DPYD: variants seen among roughly 807,000 people sequenced by gnomAD.
DPYD encodes the protein dihydropyrimidine dehydrogenase.
In DPYD, 109 loss-of-function variants were observed where a neutral mutation model predicts 116.2. That is an observed-to-expected ratio of 0.94 (90% CI 0.80 to 1.10). DPYD has a LOEUF of 1.10. Among genes scored for constraint, DPYD ranks in the 50% least tolerant of loss-of-function variants. The pLI, the probability that DPYD is intolerant of heterozygous loss-of-function variation, is 0.00. For missense variants in DPYD, 1,302 were observed against 1,254.5 expected, an observed-to-expected ratio of 1.04 and a Z score of -0.57; for synonymous variants, 440 against 432.0, an observed-to-expected ratio of 1.02 and a Z score of -0.23.
intron 8 of DPYD, among the ~76,000 whole-genome samples, chr1:97,624,650 G>A (rs1332715041): frequency 6.6e-6 from 1 of 151,904 alleles, no homozygotes; most frequent in African/African-American, 2.4e-5. Flanking sequence ...GTTTGTTGAA[G>A]ACATGTCTGC....
At chr1:97,260,851 T>A (rs1386290625) in intron 18 of DPYD, among the ~76,000 whole-genome samples, 1 of 152,100 alleles carries the variant, frequency 6.6e-6, no homozygotes, top group African/African-American at 2.4e-5. Flanking sequence ...CAGGGGAATG[T>A]AGCAGACAGT....
chr1:97,640,713 G>A (rs1223229365), intron 8 of DPYD, among the ~76,000 whole-genome samples: 1 of 152,104 alleles, frequency 6.6e-6, no homozygotes, highest in Non-Finnish European at 1.5e-5. Context: ...TGGGCAAAAG[G>A]TGGGACAGAG....
At chr1:97,119,021 G>A (rs1001610080) in intron 20 of DPYD, among the ~76,000 whole-genome samples, 2 of 152,094 alleles carry the variant, frequency 1.3e-5, no homozygotes, top group South Asian at 4.1e-4. Flanking sequence ...ACAGACTTTG[G>A]GGACAGAAGG....
intron 4 of DPYD, among the ~76,000 whole-genome samples, chr1:97,724,235 A>G (rs1360785253): frequency 2.0e-5 from 3 of 151,350 alleles, no homozygotes; most frequent in East Asian, 3.9e-4. Flanking sequence ...AAGAATGTTC[A>G]CTGCATTAGT....
intron 19 of DPYD, among the ~76,000 whole-genome samples, chr1:97,229,284 C>G (rs1570717535): frequency 7.1e-6 from 1 of 141,134 alleles, no homozygotes; most frequent in East Asian, 2.2e-4. Context: ...GAAATACTGA[C>G]TAGTACCCAA....
chr1:97,808,385 T>C (rs377576985), intron 3 of DPYD, among the ~76,000 whole-genome samples: 4 of 152,186 alleles, frequency 2.6e-5, no homozygotes, highest in African/African-American at 9.6e-5. Context: ...AATGATATTA[T>C]CTTTTAAATT....
At chr1:97,241,077 G>A (rs971514774) in intron 18 of DPYD, among the ~76,000 whole-genome samples, 4 of 152,008 alleles carry the variant, frequency 2.6e-5, no homozygotes, top group Non-Finnish European at 5.9e-5. Context: ...TTCTGAAAAT[G>A]TTTTAATTTT....
rs902797278 is a variant in DPYD at position 97,687,489 on chromosome 1, C to T, written c.762+4228G>A. ...AAAGTCAAGAAACAACAGATGCTGG[C>T]GAGGCTGTGGAGAAATATAAATGCT... On this transcript the variant is annotated intron_variant, in intron 7 of 22. Coordinates refer to ENST00000370192, the MANE Select transcript of DPYD (RefSeq NM_000110.4). Among the ~76,000 whole-genome samples the T allele has an allele frequency of 4.6e-5, 7 of 151,966 alleles. No individual in the cohort carries two copies. The South Asian group carries it at 8.3e-4, about 18-fold the overall frequency.
intron 18 of DPYD, among the ~76,000 whole-genome samples, chr1:97,281,966 A>G (rs1036458813): frequency 2.0e-5 from 3 of 152,144 alleles, no homozygotes; most frequent in African/African-American, 7.2e-5. Flanking sequence ...CTGAGTTTTA[A>G]GAGTTTTTGC....
intron 20 of DPYD, among the ~76,000 whole-genome samples, chr1:97,145,628 C>T (rs560235973): frequency 3.9e-5 from 6 of 152,178 alleles, no homozygotes; most frequent in South Asian, 4.2e-4. Flanking sequence ...AATATGCATC[C>T]TATTACTCTG....
intron 20 of DPYD, among the ~76,000 whole-genome samples, chr1:97,117,663 A>G (rs1652083739): frequency 6.6e-6 from 1 of 152,192 alleles, no homozygotes; most frequent in Non-Finnish European, 1.5e-5. Context: ...AAAATGGTCT[A>G]TAATTTTGGT....
intron 18 of DPYD, among the ~76,000 whole-genome samples, chr1:97,242,438 T>C (rs1380744689): frequency 6.6e-6 from 1 of 151,198 alleles, no homozygotes; most frequent in Non-Finnish European, 1.5e-5. Context: ...TATGCTCCCA[T>C]TGTTGGCAAA....
chr1:97,746,836 TA>T, intron 3 of DPYD, among the ~76,000 whole-genome samples: 1 of 151,850 alleles, frequency 6.6e-6, no homozygotes, highest in Non-Finnish European at 1.5e-5. Flanking sequence ...ATAAACGATA[TA>T]AAAATGAAAA....
intron 16 of DPYD, among the ~76,000 whole-genome samples, chr1:97,363,153 G>T (rs2101441702): frequency 6.6e-6 from 1 of 152,290 alleles, no homozygotes; most frequent in African/African-American, 2.4e-5. Flanking sequence ...GATATGAACA[G>T]ACATTTCTCA....
chr1:97,726,096 G>A (rs560562173), intron 4 of DPYD, among the ~76,000 whole-genome samples: 2 of 151,522 alleles, frequency 1.3e-5, no homozygotes, highest in South Asian at 2.1e-4. Flanking sequence ...ACAAAACTAG[G>A]CAATGACCTG....
At chr1:97,920,423 A>C (rs1674448870) in intron 1 of DPYD, among the ~76,000 whole-genome samples, 1 of 152,150 alleles carries the variant, frequency 6.6e-6, no homozygotes, top group African/African-American at 2.4e-5. Flanking sequence ...CAGATGTTTT[A>C]TTTCTATGCT....
chr1:97,188,643 C>G (rs970425305), intron 20 of DPYD, among the ~76,000 whole-genome samples: 4 of 151,986 alleles, frequency 2.6e-5, no homozygotes, highest in Admixed American at 1.3e-4. Context: ...TTCTTGGAGG[C>G]CAAGGAAGAG....
chr1:97,781,990 C>T (rs905735881), intron 3 of DPYD, among the ~76,000 whole-genome samples: 1 of 152,256 alleles, frequency 6.6e-6, no homozygotes, highest in Middle Eastern at 3.4e-3. Flanking sequence ...TTCACTTTAG[C>T]GTCAGGCCTG....
At chr1:97,558,088 A>C (rs1651877550) in intron 11 of DPYD, among the ~76,000 whole-genome samples, 1 of 152,210 alleles carries the variant, frequency 6.6e-6, no homozygotes, top group South Asian at 2.1e-4. Flanking sequence ...AAGTGAAGAC[A>C]GGAACAGCAA....
Sources: gnomAD v4.1 joint callset for allele counts (sites outside exome capture counted in the v4.1 genomes callset) on GRCh38, gnomAD v4.1.1 for gene constraint, MANE v1.5 for transcripts, NCBI Gene and HGNC (gene_info 2026-07-23, HGNC 2026-07-21) for gene names.